The following SDK1 variants were observed in gnomAD, a reference collection of about 807,000 sequenced individuals.
The protein encoded by SDK1 is sidekick cell adhesion molecule 1, also known as protein sidekick-1.
SDK1 carries 157 observed loss-of-function variants against 245.5 expected under a neutral mutation model. That is an observed-to-expected ratio of 0.64 (90% CI 0.56 to 0.73). The LOEUF (loss-of-function observed/expected upper bound fraction) is 0.73, where lower values mean the gene tolerates loss of function less well. Among genes scored for constraint, SDK1 ranks in the 30% least tolerant of loss-of-function variants. The pLI, the probability that SDK1 is intolerant of heterozygous loss-of-function variation, is 0.00. For synonymous variants in SDK1, 1,647 were observed against 1,278.5 expected (o/e 1.29, Z -6.15); for missense variants, 3,583 against 3,002.3 (o/e 1.19, Z -4.52).
intron 1 of SDK1, chr7:3,302,373 C>G (rs1021657045): frequency 6.6e-6 from 1 of 152,160 alleles, no homozygotes; most frequent in Non-Finnish European, 1.5e-5. Flanking sequence ...GCTCCTGACT[C>G]CCCCAAGTCC....
chr7:3,524,828 C>T (rs930840002), intron 1 of SDK1, among the ~76,000 whole-genome samples: 11 of 152,086 alleles, frequency 7.2e-5, no homozygotes, highest in African/African-American at 2.7e-4. Flanking sequence ...ATTGGAGGGT[C>T]ATCAATCTAA....
At chr7:4,155,639 A>T (rs1780682037) in intron 30 of SDK1, among the ~76,000 whole-genome samples, 1 of 152,218 alleles carries the variant, frequency 6.6e-6, no homozygotes, top group Non-Finnish European at 1.5e-5. Context: ...ATAAGTAAAC[A>T]AATCATTTCT....
At chr7:3,857,564 G>A (rs1175214576) in intron 5 of SDK1, among the ~76,000 whole-genome samples, 1 of 152,026 alleles carries the variant, frequency 6.6e-6, no homozygotes. Flanking sequence ...GTGCATGCCT[G>A]TAGTTCCAGC....
intron 26 of SDK1, among the ~76,000 whole-genome samples, chr7:4,128,886 G>T (rs1457220047): frequency 2.7e-4 from 32 of 120,056 alleles, no homozygotes; most frequent in South Asian, 9.2e-4. Context: ...TGCCCTGGAG[G>T]AGAGCAGCTT....
chr7:4,167,660 C>A (rs143994126), intron 32 of SDK1, among the ~76,000 whole-genome samples: 69 of 152,380 alleles, frequency 4.5e-4, no homozygotes, highest in Admixed American at 1.3e-3. Context: ...ATGGCTGAGG[C>A]CTGGCCCAGG....
chr7:3,620,314 TA>T (rs1369814148), intron 2 of SDK1, among the ~76,000 whole-genome samples: 11 of 136,044 alleles, frequency 8.1e-5, no homozygotes, highest in African/African-American at 2.8e-4. Flanking sequence ...TTTTTTTTTT[TA>T]ATTTGAGACG....
Position 3,962,658 on chromosome 7 carries a change from G to T in SDK1, c.1236G>T (p.Gly412=). Residue 412 remains glycine (G), a splice_region_variant and synonymous_variant, in exon 9 of 45, where the codon GGG becomes GGT. Transcript: ENST00000404826. ...CTATTTATTCCCATTCCTACGCAGG[G>T]GTCCCCCTTCCCACCCTCCAGTGGT... is the stretch of plus-strand genomic sequence containing the variant. The part of the protein sequence containing the change: ...ETVDIGCQAM[G]VPLPTLQWYK... 1 of 1,603,864 alleles carries T rather than the reference G, an allele frequency of 6.2e-7. No homozygotes were observed. The highest frequency in any genetic ancestry group is 8.5e-7 in the Non-Finnish European group (1 of 1,174,232).
intron 12 of SDK1, among the ~76,000 whole-genome samples, chr7:3,972,887 A>G (rs1399870891): frequency 1.3e-5 from 2 of 152,240 alleles, no homozygotes; most frequent in Non-Finnish European, 2.9e-5. Flanking sequence ...CAAGCAAAAC[A>G]AAAACCAGCA....
chr7:3,313,331 C>G (rs1177649505), intron 1 of SDK1, among the ~76,000 whole-genome samples: 1 of 152,190 alleles, frequency 6.6e-6, no homozygotes, highest in Non-Finnish European at 1.5e-5. Context: ...TGCTTGAACC[C>G]TGGAGGCGGA....
chr7:3,908,763 C>T (rs1271729506), intron 5 of SDK1, among the ~76,000 whole-genome samples: 1 of 151,958 alleles, frequency 6.6e-6, no homozygotes, highest in Non-Finnish European at 1.5e-5. Context: ...CCTGTGTCTC[C>T]CGGATGTCTA....
At position 3,376,626 on chromosome 7, in the gene SDK1, T is replaced by G. The variant is rs192591588; in HGVS notation, c.298+74742T>G. 4.1e-3 allele frequency among the ~76,000 whole-genome samples: 629 copies of G among 152,340 alleles called. 7 individuals carry two copies. Among genetic ancestry groups the G allele is most frequent in the South Asian group, 0.017 (84 of 4,822 alleles). ...GACAAGGTTAAAGAGATTCCTTGATTGGCAGGAAGATTATACGGTGTGGGT... is the reference window on the plus strand; with the variant it reads ...GACAAGGTTAAAGAGATTCCTTGATGGGCAGGAAGATTATACGGTGTGGGT... On this transcript the variant is annotated intron_variant, in intron 1 of 44. Coordinates refer to ENST00000404826, the MANE Select transcript of SDK1 (RefSeq NM_152744.4).
intron 1 of SDK1, among the ~76,000 whole-genome samples, chr7:3,359,680 G>A (rs1283416000): frequency 6.6e-6 from 1 of 152,166 alleles, no homozygotes; most frequent in African/African-American, 2.4e-5. Context: ...CTCCCGGGTG[G>A]CGCGCTGTGA....
At chr7:3,664,465 A>T (rs1280470204) in intron 4 of SDK1, among the ~76,000 whole-genome samples, 1 of 152,156 alleles carries the variant, frequency 6.6e-6, no homozygotes, top group Non-Finnish European at 1.5e-5. Flanking sequence ...GCATCCGGGC[A>T]CAGTGGCTCA....
intron 25 of SDK1, among the ~76,000 whole-genome samples, chr7:4,119,111 A>T (rs1783905758): frequency 6.7e-6 from 1 of 148,594 alleles, no homozygotes; most frequent in Non-Finnish European, 1.5e-5. Flanking sequence ...TTAAAAAAAA[A>T]GCTCAGCCTT....
chr7:3,522,159 T>C (rs1309047741), intron 1 of SDK1, among the ~76,000 whole-genome samples: 1 of 152,202 alleles, frequency 6.6e-6, no homozygotes. Context: ...CAATAACTTT[T>C]TTTTTTGAGG....
chr7:3,632,959 G>C (rs1029296861), intron 2 of SDK1, among the ~76,000 whole-genome samples: 1 of 152,008 alleles, frequency 6.6e-6, no homozygotes, highest in African/African-American at 2.4e-5. Flanking sequence ...ATTTCATGTA[G>C]AAAACTTACA....
chr7:4,188,373 G>T (rs138851762), intron 35 of SDK1, among the ~76,000 whole-genome samples: 181 of 152,290 alleles, frequency 1.2e-3, no homozygotes, highest in African/African-American at 4.2e-3. Flanking sequence ...AACCAGCAAG[G>T]TCAAGGTTGT....
At chr7:3,489,104 A>G (rs1419950270) in intron 1 of SDK1, among the ~76,000 whole-genome samples, 1 of 152,096 alleles carries the variant, frequency 6.6e-6, no homozygotes, top group Non-Finnish European at 1.5e-5. Context: ...AGTGGGTAAT[A>G]TTCTCTCCCT....
intron 4 of SDK1, among the ~76,000 whole-genome samples, chr7:3,679,355 G>A (rs567541411): frequency 4.9e-4 from 74 of 151,932 alleles, no homozygotes; most frequent in Admixed American, 2.0e-3. Flanking sequence ...TCACGAGGTC[G>A]GGAGATCGAG....
Sources: gnomAD v4.1 joint callset for allele counts (sites outside exome capture counted in the v4.1 genomes callset) on GRCh38, gnomAD v4.1.1 for gene constraint, MANE v1.5 for transcripts, NCBI Gene and HGNC (gene_info 2026-07-23, HGNC 2026-07-21) for gene names.